The following VDAC2 variants were observed in gnomAD, a reference collection of about 807,000 sequenced individuals.
VDAC2 encodes non-selective voltage-gated ion channel VDAC2.
Under a neutral mutation model 36.6 loss-of-function variants are expected in VDAC2, and 6 were observed. That is an observed-to-expected ratio of 0.16 (90% CI 0.09 to 0.32). The LOEUF (loss-of-function observed/expected upper bound fraction) is 0.32. Ranked by LOEUF, VDAC2 falls within the 10% of genes least tolerant of loss-of-function variation. The probability of loss-of-function intolerance (pLI) is 1.00; values close to 1 mark genes in which losing one functional copy is unlikely to be tolerated. For missense variants in VDAC2, 247 were observed against 346.0 expected, an observed-to-expected ratio of 0.71 and a Z score of 2.27; for synonymous variants, 109 against 123.8, an observed-to-expected ratio of 0.88 and a Z score of 0.79.
At chr10:75,223,239 A>T (rs1045565740) in intron 8 of VDAC2, among the ~76,000 whole-genome samples, 9 of 151,958 alleles carry the variant, frequency 5.9e-5, no homozygotes, top group African/African-American at 2.2e-4. Context: ...CAGCCTCCCA[A>T]AGTGCTGGGA....
Position 75,230,609 on chromosome 10 carries a change from C to G in VDAC2, c.794-289C>G, listed in dbSNP as rs576108095. On this transcript the variant is annotated intron_variant, in intron 9 of 9. Transcript: ENST00000332211. ...ATCGAATTATGATTATGTCTTTAGT[C>G]TCTTTTCATCGGGATAGTATACTCA... Among the ~76,000 whole-genome samples the G allele has an allele frequency of 2.0e-5, 3 of 152,286 alleles. No individual in the cohort carries two copies. In the South Asian group the frequency reaches 6.2e-4, roughly 32 times the overall value.
intron 4 of VDAC2, among the ~76,000 whole-genome samples, chr10:75,216,625 G>C (rs1841613676): frequency 6.6e-6 from 1 of 152,172 alleles, no homozygotes; most frequent in Non-Finnish European, 1.5e-5. Context: ...TAAAGGGTAT[G>C]AGCTGTAATC....
Position 75,231,072 on chromosome 10 carries a change from T to C in VDAC2, c.*83T>C. 1 of 999,434 alleles carries C rather than the reference T, an allele frequency of 1.0e-6. No individual in the cohort carries two copies. The highest frequency in any genetic ancestry group is 2.6e-5 in the East Asian group (1 of 38,724). 61.9% of individuals were successfully genotyped at this position (999,434 alleles called of 1,614,324 possible). A position where few individuals can be genotyped will look rare whatever the true frequency, so the allele number is the denominator to read the frequency against. ...CCATTGTGACCAGCAGCAGGCTTTTTTCCCCCAAGAAGATGATCAAAACAA... is the reference window on the plus strand; with the variant it reads ...CCATTGTGACCAGCAGCAGGCTTTTCTCCCCCAAGAAGATGATCAAAACAA... On this transcript the variant is annotated 3_prime_UTR_variant, in exon 10 of 10. Transcript: ENST00000332211.
intron 3 of VDAC2, among the ~76,000 whole-genome samples, chr10:75,212,642 G>A (rs371402866): frequency 6.6e-5 from 10 of 152,206 alleles, no homozygotes; most frequent in Admixed American, 3.9e-4. Context: ...AAACACAGTG[G>A]CCTCTCAAAG....
At chr10:75,213,614 C>T (rs1272341274) in intron 3 of VDAC2, among the ~76,000 whole-genome samples, 2 of 152,092 alleles carry the variant, frequency 1.3e-5, no homozygotes, top group African/African-American at 2.4e-5. Flanking sequence ...CGTGGTGGCA[C>T]GCACCTGTAG....
intron 8 of VDAC2, among the ~76,000 whole-genome samples, chr10:75,225,705 A>C (rs141091381): frequency 5.4e-4 from 82 of 152,228 alleles, no homozygotes; most frequent in Non-Finnish European, 1.0e-3. Flanking sequence ...TCTCATTCTC[A>C]TGTCTCTCTG....
At chr10:75,210,764 GC>G, upstream of VDAC2, 1 of 173,808 alleles carries the variant, frequency 5.8e-6, no homozygotes, top group Non-Finnish European at 1.2e-5. Flanking sequence ...GCGGCGGACA[GC>G]CCCGGGGGCA....
intron 8 of VDAC2, among the ~76,000 whole-genome samples, chr10:75,222,828 A>G (rs1445268783): frequency 3.3e-5 from 5 of 151,604 alleles, no homozygotes; most frequent in South Asian, 4.2e-4. Context: ...ATTCCCAACT[A>G]ATTTTTTGAT....
chr10:75,219,437 T>C (rs1240286263), intron 6 of VDAC2, 81 bp downstream of exon 6: 2 of 1,194,798 alleles, frequency 1.7e-6, no homozygotes, highest in Non-Finnish European at 2.4e-6. Context: ...CATTTACTGT[T>C]TGATAGCTTA....
intron 9 of VDAC2, 40 bp from the exon 10 acceptor site, chr10:75,230,858 C>T (rs773577471): frequency 5.1e-6 from 8 of 1,563,478 alleles, no homozygotes; most frequent in Non-Finnish European, 6.1e-6. Context: ...GTGCCAGGTA[C>T]ATCACGGTTT....
intron 3 of VDAC2, among the ~76,000 whole-genome samples, chr10:75,213,306 C>A (rs1443588354): frequency 6.6e-6 from 1 of 152,074 alleles, no homozygotes; most frequent in Non-Finnish European, 1.5e-5. Flanking sequence ...TTTTGAACTC[C>A]TGATCTCAAG....
intron 3 of VDAC2, among the ~76,000 whole-genome samples, chr10:75,213,088 T>A (rs1376258117): frequency 6.6e-6 from 1 of 150,970 alleles, no homozygotes; most frequent in African/African-American, 2.4e-5. Context: ...TTTGTTTTTG[T>A]TTTTTTTTGA....
chr10:75,228,288 G>A (rs1302506036), intron 8 of VDAC2, among the ~76,000 whole-genome samples: 1 of 125,002 alleles, frequency 8.0e-6, no homozygotes, highest in African/African-American at 2.8e-5. Flanking sequence ...TTTTTTTTTT[G>A]AGCTTTGTTG....
chr10:75,219,436 T>C, intron 6 of VDAC2, 80 bp downstream of exon 6: 1 of 1,190,374 alleles, frequency 8.4e-7, no homozygotes, highest in Non-Finnish European at 1.2e-6. Flanking sequence ...ACATTTACTG[T>C]TTGATAGCTT....
chr10:75,211,114 ACTT>A lies in VDAC2; in HGVS notation c.-25-16_-25-14del, dbSNP rs779414126. ...TGGCCCTTTGACCCCAGCTTACCGC[ACTT>A]CTTGTCCCTCCCGCAGATTCCCCTC... is the stretch of plus-strand genomic sequence containing the variant. On this transcript the variant is annotated splice_polypyrimidine_tract_variant and intron_variant, in intron 1 of 9. Transcript: ENST00000332211. 5.6e-5 allele frequency: 89 copies of A among 1,597,830 alleles called. No homozygotes were observed. Among genetic ancestry groups the A allele is most frequent in the Non-Finnish European group, 7.5e-5 (88 of 1,171,434 alleles).
At chr10:75,210,973 C>T in intron 1 of VDAC2, 35 bp downstream of exon 1, 5 of 583,380 alleles carry the variant, frequency 8.6e-6, no homozygotes, top group Non-Finnish European at 1.4e-5. Context: ...GACCCAGGGG[C>T]CTAGGCCGCG....
At chr10:75,212,122 C>A in intron 2 of VDAC2, 108 bp from the exon 3 acceptor site, 2 of 993,108 alleles carry the variant, frequency 2.0e-6, no homozygotes, top group Non-Finnish European at 1.5e-6. Context: ...AACATTCCAA[C>A]AAATGGGATT....
chr10:75,213,064 T>G (rs1841478966), intron 3 of VDAC2, among the ~76,000 whole-genome samples: 1 of 152,132 alleles, frequency 6.6e-6, no homozygotes, highest in African/African-American at 2.4e-5. Flanking sequence ...ATGTCTGTAT[T>G]ATGATAAGTT....
intron 8 of VDAC2, 53 bp from the exon 9 acceptor site, chr10:75,229,591 C>T (rs1267129161): frequency 7.2e-7 from 1 of 1,393,150 alleles, no homozygotes; most frequent in Non-Finnish European, 1.0e-6. Flanking sequence ...CATGTAGGGG[C>T]TTTGTCTCTA....
Sources: gnomAD v4.1 joint callset for allele counts (sites outside exome capture counted in the v4.1 genomes callset) on GRCh38, gnomAD v4.1.1 for gene constraint, MANE v1.5 for transcripts, NCBI Gene and HGNC (gene_info 2026-07-23, HGNC 2026-07-21) for gene names.